The following BRINP3 variants were observed in gnomAD, a reference collection of about 807,000 sequenced individuals.
The protein encoded by BRINP3 is BMP/retinoic acid inducible neural specific 3.
In BRINP3, 19 loss-of-function variants were observed where a neutral mutation model predicts 71.0. The ratio of observed to expected loss-of-function variants is 0.27; its 90% CI spans 0.19 to 0.39. BRINP3 has a LOEUF of 0.39. BRINP3 is among the 10% of genes least tolerant of loss of function. The pLI is 1.00. For synonymous variants in BRINP3, 380 were observed against 337.7 expected, an observed-to-expected ratio of 1.13 and a Z score of -1.37; for missense variants, 959 against 940.8, an observed-to-expected ratio of 1.02 and a Z score of -0.25.
At chr1:190,212,317 T>C (rs1160264629) in intron 6 of BRINP3, among the ~76,000 whole-genome samples, 1 of 152,106 alleles carries the variant, frequency 6.6e-6, no homozygotes, top group Non-Finnish European at 1.5e-5. Context: ...AATGACTTTC[T>C]AATGATCACA....
chr1:190,259,710 T>C (rs1185458180), intron 4 of BRINP3, among the ~76,000 whole-genome samples: 1 of 151,588 alleles, frequency 6.6e-6, no homozygotes, highest in African/African-American at 2.4e-5. Context: ...ATTGTCTCTG[T>C]TTGCAGATAA....
At chr1:190,188,956 C>T (rs1287737357) in intron 6 of BRINP3, among the ~76,000 whole-genome samples, 13 of 151,886 alleles carry the variant, frequency 8.6e-5, no homozygotes, top group African/African-American at 3.1e-4. Context: ...AGATGGGGGT[C>T]TCACCTTATT....
chr1:190,279,090 C>T (rs1008413775), intron 3 of BRINP3, among the ~76,000 whole-genome samples: 1 of 151,572 alleles, frequency 6.6e-6, no homozygotes, highest in Non-Finnish European at 1.5e-5. Context: ...CTTACAGGTG[C>T]TTTGAATCAC....
intron 2 of BRINP3, among the ~76,000 whole-genome samples, chr1:190,368,354 A>T (rs1241112803): frequency 6.6e-6 from 1 of 152,114 alleles, no homozygotes; most frequent in African/African-American, 2.4e-5. Flanking sequence ...CACCCACATG[A>T]TTAAATTACC....
At chr1:190,284,183 C>A (rs890957819) in intron 2 of BRINP3, among the ~76,000 whole-genome samples, 1 of 151,880 alleles carries the variant, frequency 6.6e-6, no homozygotes, top group Non-Finnish European at 1.5e-5. Flanking sequence ...TCTATTCTGA[C>A]CTGATGTATT....
chr1:190,236,864 C>A (rs1017869394), intron 4 of BRINP3, among the ~76,000 whole-genome samples: 3 of 151,860 alleles, frequency 2.0e-5, no homozygotes, highest in Non-Finnish European at 2.9e-5. Flanking sequence ...TGCCAACCAA[C>A]ACATATCACA....
At chr1:190,467,356 A>G (rs531631216) in intron 1 of BRINP3, among the ~76,000 whole-genome samples, 30 of 151,742 alleles carry the variant, frequency 2.0e-4, no homozygotes, top group Non-Finnish European at 3.8e-4. Flanking sequence ...CATCTAATGT[A>G]CATTTTTTAA....
intron 2 of BRINP3, among the ~76,000 whole-genome samples, chr1:190,377,990 C>A (rs1282104812): frequency 6.6e-6 from 1 of 151,858 alleles, no homozygotes; most frequent in South Asian, 2.1e-4. Context: ...ATATCAAATA[C>A]CCACAGCATT....
In BRINP3 at chr1:190,098,492, G is replaced by A; in HGVS notation, c.1827C>T (p.Asn609=). 1.2e-6 allele frequency: 2 copies of A among 1,614,130 alleles called. No homozygotes were observed. Among genetic ancestry groups the A allele is most frequent in the East Asian group, 2.2e-5 (1 of 44,874 alleles). ...ATTTGTTCCCCAGAGTTAATGTCCAGTTATAACACTGCAGGGGTAGGTCCA... is the reference window on the plus strand; with the variant it reads ...ATTTGTTCCCCAGAGTTAATGTCCAATTATAACACTGCAGGGGTAGGTCCA... ...TKLDLPLQCY[N]WTLTLGNKWK... is the part of the protein sequence containing the mutation. The change falls in exon 8 of 8, where the codon AAC becomes AAT. Residue 609 remains asparagine (N), a synonymous_variant. Coordinates refer to ENST00000367462, the MANE Select transcript of BRINP3 (RefSeq NM_199051.3).
intron 6 of BRINP3, among the ~76,000 whole-genome samples, chr1:190,205,682 G>T (rs1655434037): frequency 1.3e-5 from 2 of 152,008 alleles, no homozygotes; most frequent in Non-Finnish European, 1.5e-5. Flanking sequence ...TTCCAAATAT[G>T]TTTAGGGCCA....
At chr1:190,440,066 G>A (rs923870391) in intron 2 of BRINP3, among the ~76,000 whole-genome samples, 18 of 151,802 alleles carry the variant, frequency 1.2e-4, no homozygotes, top group African/African-American at 4.4e-4. Flanking sequence ...AGTATAAAAT[G>A]TATTCATTGA....
chr1:190,146,035 G>A lies in BRINP3; in HGVS notation c.1184+14633C>T, dbSNP rs1384747118. Among the ~76,000 whole-genome samples, 3 of 152,044 alleles carry A rather than the reference G, an allele frequency of 2.0e-5. No homozygotes were observed. In the East Asian group the frequency reaches 5.8e-4, roughly 29 times the overall value. On this transcript the variant is annotated intron_variant, in intron 7 of 7. Transcript: ENST00000367462. ...TTAAAGGCATAAAAATGATATAATGGACTTTGGGGACTTGGAGGGAAAGTT... is the reference window on the plus strand; with the variant it reads ...TTAAAGGCATAAAAATGATATAATGAACTTTGGGGACTTGGAGGGAAAGTT...
At chr1:190,443,295 C>T (rs1674959052) in intron 2 of BRINP3, among the ~76,000 whole-genome samples, 1 of 150,956 alleles carries the variant, frequency 6.6e-6, no homozygotes, top group African/African-American at 2.4e-5. Context: ...ATCCCAGTTA[C>T]TCGGGAGGCT....
chr1:190,226,358 T>A, intron 5 of BRINP3, 40 bp from the exon 6 acceptor site: 1 of 1,242,000 alleles, frequency 8.1e-7, no homozygotes, highest in Non-Finnish European at 1.1e-6. Context: ...TTTACTTTGT[T>A]AAAGAAAAAA....
intron 2 of BRINP3, among the ~76,000 whole-genome samples, chr1:190,308,334 G>A (rs772089476): frequency 1.3e-5 from 2 of 151,814 alleles, no homozygotes; most frequent in Admixed American, 6.6e-5. Context: ...AACTGAAAGT[G>A]TAAAAGAGTA....
At chr1:190,425,567 TCTA>T (rs1354057844) in intron 2 of BRINP3, among the ~76,000 whole-genome samples, 3 of 151,754 alleles carry the variant, frequency 2.0e-5, no homozygotes, top group African/African-American at 7.2e-5. Context: ...GGCAATTCCT[TCTA>T]CTATGGGTCT....
intron 1 of BRINP3, among the ~76,000 whole-genome samples, chr1:190,458,942 T>A (rs1254404850): frequency 6.6e-6 from 1 of 151,120 alleles, no homozygotes; most frequent in Non-Finnish European, 1.5e-5. Flanking sequence ...AAGAGAGAAA[T>A]AAAAGAGAAT....
intron 3 of BRINP3, among the ~76,000 whole-genome samples, chr1:190,265,539 A>AATATATATAT (rs36099005): frequency 3.1e-4 from 43 of 139,254 alleles, no homozygotes; most frequent in South Asian, 1.1e-3. Flanking sequence ...GTCTCTACTA[A>AATATATATAT]ATATATATAT....
intron 4 of BRINP3, among the ~76,000 whole-genome samples, chr1:190,261,318 A>G (rs1661166321): frequency 6.6e-6 from 1 of 152,112 alleles, no homozygotes; most frequent in Admixed American, 6.5e-5. Context: ...TACACTTCAC[A>G]TTTTATTGGA....
Sources: allele counts gnomAD v4.1 joint callset (sites outside exome capture counted in the v4.1 genomes callset), GRCh38; gene constraint gnomAD v4.1.1; transcripts MANE v1.5; gene names NCBI Gene and HGNC (gene_info 2026-07-23, HGNC 2026-07-21).